CCDC7: variants seen among roughly 807,000 people sequenced by gnomAD.
CCDC7 encodes coiled-coil domain-containing protein 7.
Under a neutral mutation model 196.9 loss-of-function variants are expected in CCDC7, and 183 were observed. That is an observed-to-expected ratio of 0.93 (90% confidence interval 0.82 to 1.05). The LOEUF (loss-of-function observed/expected upper bound fraction) is 1.05. Ranked by LOEUF, CCDC7 falls within the 50% of genes least tolerant of loss-of-function variation. The pLI is 0.00. For missense variants in CCDC7, 1,540 were observed against 1,482.2 expected, an observed-to-expected ratio of 1.04 and a Z score of -0.64; for synonymous variants, 525 against 484.6, an observed-to-expected ratio of 1.08 and a Z score of -1.10.
At chr10:32,670,867 G>C (rs1170084285) in intron 21 of CCDC7, among the ~76,000 whole-genome samples, 1 of 151,368 alleles carries the variant, frequency 6.6e-6, no homozygotes, top group Non-Finnish European at 1.5e-5. Flanking sequence ...GGTTTAGTTT[G>C]TTCTATTTTC....
At chr10:32,604,362 G>C (rs1251980342) in intron 18 of CCDC7, among the ~76,000 whole-genome samples, 2 of 152,124 alleles carry the variant, frequency 1.3e-5, no homozygotes, top group African/African-American at 2.4e-5. Flanking sequence ...TTTGAAGTCA[G>C]GTAGTGTGAT....
chr10:32,805,461 AT>A (rs1402480315), intron 30 of CCDC7, among the ~76,000 whole-genome samples: 1 of 152,244 alleles, frequency 6.6e-6, no homozygotes, highest in East Asian at 1.9e-4. Flanking sequence ...GATGAGTGCA[AT>A]AAGTAAAGGA....
chr10:32,847,412 A>G (rs925147537), intron 37 of CCDC7, among the ~76,000 whole-genome samples: 7 of 152,228 alleles, frequency 4.6e-5, no homozygotes, highest in African/African-American at 1.7e-4. Flanking sequence ...GACCTAGCCA[A>G]CGAAACCTCA....
chr10:32,758,989 C>T (rs1212408742), intron 28 of CCDC7, among the ~76,000 whole-genome samples: 5 of 152,140 alleles, frequency 3.3e-5, no homozygotes, highest in Non-Finnish European at 1.5e-5. Flanking sequence ...AACTCCCATT[C>T]ACAATTGCTT....
chr10:32,606,033 A>G (rs2138539184), intron 18 of CCDC7, among the ~76,000 whole-genome samples: 1 of 152,334 alleles, frequency 6.6e-6, no homozygotes, highest in Middle Eastern at 3.4e-3. Flanking sequence ...AGAGGAAAGA[A>G]TGCCAGGCTC....
At chr10:32,590,183 G>C (rs912910127) in intron 18 of CCDC7, among the ~76,000 whole-genome samples, 3 of 151,798 alleles carry the variant, frequency 2.0e-5, no homozygotes, top group African/African-American at 7.3e-5. Context: ...GATTTTCTCT[G>C]GTGGCATGTA....
intron 3 of CCDC7, among the ~76,000 whole-genome samples, chr10:32,462,119 T>TG (rs1399492408): frequency 6.6e-6 from 1 of 151,976 alleles, no homozygotes; most frequent in Non-Finnish European, 1.5e-5. Context: ...GGGAATTGTT[T>TG]GGGGGCCACC....
At chr10:32,740,291 C>T (rs982289413) in intron 28 of CCDC7, among the ~76,000 whole-genome samples, 2 of 152,020 alleles carry the variant, frequency 1.3e-5, no homozygotes, top group African/African-American at 2.4e-5. Flanking sequence ...ACAGAAAGGT[C>T]TGAATGTGAT....
intron 18 of CCDC7, among the ~76,000 whole-genome samples, chr10:32,604,004 C>T (rs183723668): frequency 3.9e-5 from 6 of 152,176 alleles, no homozygotes; most frequent in East Asian, 3.9e-4. Context: ...TTTGTGATCA[C>T]GGCCATAAAA....
rs369301240 is a variant in CCDC7, at chr10:32,814,924, C to G, written c.3181+471C>G. On this transcript the variant is annotated intron_variant, in intron 31 of 41. Transcript: ENST00000639629. ...CATTCAAAGAGTGCCCTGCTAAAAC[C>G]ACTGTCATCCGAGGGAAACTGTTTG... is the stretch of plus-strand genomic sequence containing the variant. 2.0e-5 allele frequency among the ~76,000 whole-genome samples: 3 copies of G among 152,146 alleles called. No homozygotes were observed. In the East Asian group the frequency reaches 5.8e-4, roughly 29 times the overall value.
At chr10:32,637,153 C>G (rs982188914) in intron 20 of CCDC7, among the ~76,000 whole-genome samples, 5 of 152,070 alleles carry the variant, frequency 3.3e-5, no homozygotes, top group African/African-American at 1.2e-4. Context: ...GAGTAGATTG[C>G]AAAAGTTTTC....
intron 8 of CCDC7, among the ~76,000 whole-genome samples, chr10:32,487,410 C>G (rs2061342782): frequency 1.3e-5 from 2 of 152,146 alleles, no homozygotes; most frequent in South Asian, 4.1e-4. Flanking sequence ...AGGTTTTTAA[C>G]TTCTTTGCCA....
chr10:32,787,915 G>A (rs1005446058), intron 29 of CCDC7, among the ~76,000 whole-genome samples: 54 of 152,136 alleles, frequency 3.5e-4, no homozygotes, highest in African/African-American at 1.3e-3. Flanking sequence ...CCCTACAGAT[G>A]GAGCCTTCAG....
At chr10:32,700,885 T>A (rs1223457862) in intron 24 of CCDC7, among the ~76,000 whole-genome samples, 1 of 152,224 alleles carries the variant, frequency 6.6e-6, no homozygotes, top group Non-Finnish European at 1.5e-5. Flanking sequence ...AGAATACTTG[T>A]GAGTTTTGCA....
intron 11 of CCDC7, among the ~76,000 whole-genome samples, chr10:32,519,319 C>T (rs2047523336): frequency 6.6e-6 from 1 of 152,148 alleles, no homozygotes; most frequent in South Asian, 2.1e-4. Context: ...AATTTTGCAG[C>T]ATCCTAATCA....
exon 27 of CCDC7, chr10:32,728,932 A>G: frequency 6.2e-7 from 1 of 1,610,094 alleles, no homozygotes; most frequent in Admixed American, 1.7e-5. Context: ...GTTCATCAAG[A>G]TTCAAAGTCA....
At chr10:32,784,899 G>A (rs2081598213) in intron 29 of CCDC7, among the ~76,000 whole-genome samples, 1 of 151,926 alleles carries the variant, frequency 6.6e-6, no homozygotes, top group Admixed American at 6.6e-5. Flanking sequence ...TTACTCAGGA[G>A]GCTGAGGCAA....
At chr10:32,655,946 A>T (rs183316991) in intron 20 of CCDC7, among the ~76,000 whole-genome samples, 1 of 152,114 alleles carries the variant, frequency 6.6e-6, no homozygotes, top group Admixed American at 6.5e-5. Flanking sequence ...ACGTATTTTG[A>T]CTATTAACTC....
chr10:32,531,428 A>G (rs2049640343), intron 11 of CCDC7, among the ~76,000 whole-genome samples: 2 of 152,150 alleles, frequency 1.3e-5, no homozygotes, highest in Non-Finnish European at 2.9e-5. Context: ...CTAGCCATGA[A>G]TGATCTTTAA....
Sources: allele counts gnomAD v4.1 joint callset (sites outside exome capture counted in the v4.1 genomes callset), GRCh38; gene constraint gnomAD v4.1.1; transcripts MANE v1.5; gene names NCBI Gene and HGNC (gene_info 2026-07-23, HGNC 2026-07-21).